Variants in ZNF483 observed in about 807,000 individuals in gnomAD.
The protein encoded by ZNF483 is zinc finger protein HIT-10.
In ZNF483, 9 loss-of-function variants were observed where a neutral mutation model predicts 28.6. The observed-to-expected ratio is 0.32, with a 90% CI of 0.19 to 0.55. ZNF483 has a LOEUF of 0.55. Among genes scored for constraint, ZNF483 ranks in the 20% least tolerant of loss-of-function variants. ZNF483 has a pLI of 0.93. For synonymous variants in ZNF483, 322 were observed against 306.2 expected (o/e 1.05, Z -0.54); for missense variants, 675 against 871.7 (o/e 0.77, Z 2.84).
chr9:111,547,161 GTTCTT>G lies in ZNF483; in HGVS notation c.*3994_*3998del, dbSNP rs1179907061. On this transcript the variant is annotated 3_prime_UTR_variant, in exon 6 of 6. Coordinates refer to ENST00000309235, the MANE Select transcript of ZNF483 (RefSeq NM_133464.5). ...ATTGCTATAATCAGTGGTGCTTTCTGTTCTTTTAAGTATATGCCTAGAAATAGAAT... is the reference window on the plus strand; with the variant it reads ...ATTGCTATAATCAGTGGTGCTTTCTGTTAAGTATATGCCTAGAAATAGAAT... Among the ~76,000 whole-genome samples the G allele has an allele frequency of 6.6e-5, 10 of 152,068 alleles. No individual in the cohort carries two copies. Among genetic ancestry groups the G allele is most frequent in the Admixed American group, 5.2e-4 (8 of 15,274 alleles).
chr9:111,566,600 C>T (rs1477932182), intron 5 of ZNF483, among the ~76,000 whole-genome samples: 3 of 152,194 alleles, frequency 2.0e-5, no homozygotes, highest in Non-Finnish European at 4.4e-5. Context: ...TATCACAGCA[C>T]AGGACTAAGG....
At position 111,553,717 on chromosome 9, in the gene ZNF483, C is replaced by T. The variant is rs541396329; in HGVS notation, c.*10547C>T. ...TTGTAGTTCTATCAAAATAAAGATA[C>T]GTTTAGTGGAAAAGTATTTGACTCT... On this transcript the variant is annotated 3_prime_UTR_variant, in exon 6 of 6. Transcript: ENST00000309235. Among the ~76,000 whole-genome samples, 24 of 152,292 alleles carry T rather than the reference C, an allele frequency of 1.6e-4. No homozygotes were observed. In the East Asian group the frequency reaches 3.5e-3, roughly 22 times the overall value.
Position 111,527,341 on chromosome 9 carries a change from T to A in ZNF483, c.-55T>A. 6.4e-7 allele frequency: 1 copy of A among 1,563,906 alleles called. No homozygotes were observed. The highest frequency in any genetic ancestry group is 8.7e-7 in the Non-Finnish European group (1 of 1,152,660). ...CTGTGTATAGTGCCTGTTGGTGGAC[T>A]GTACTGATACTCAACTAGAGTGTGA... On this transcript the variant is annotated 5_prime_UTR_variant, in exon 2 of 6. Transcript: ENST00000309235.
At chr9:111,527,981 T>A in intron 2 of ZNF483, 174 bp downstream of exon 2, 1 of 1,489,578 alleles carries the variant, frequency 6.7e-7, no homozygotes, top group Non-Finnish European at 8.9e-7. Context: ...GTGTAAACTC[T>A]CAGAATGTAA....
chr9:111,569,627 T>C (rs533873659), intron 5 of ZNF483, among the ~76,000 whole-genome samples: 75 of 152,210 alleles, frequency 4.9e-4, no homozygotes, highest in Non-Finnish European at 9.1e-4. Flanking sequence ...TAGCTGGGCG[T>C]GGTGGTACAC....
At position 111,547,894 on chromosome 9, in the gene ZNF483, A is replaced by G. The variant is rs1827841971; in HGVS notation, c.*4724A>G. Among the ~76,000 whole-genome samples, 1 of 152,212 alleles carries G rather than the reference A, an allele frequency of 6.6e-6. No individual in the cohort carries two copies. Among genetic ancestry groups the G allele is most frequent in the Admixed American group, 6.5e-5 (1 of 15,270 alleles). On this transcript the variant is annotated 3_prime_UTR_variant, in exon 6 of 6. Coordinates refer to ENST00000309235, the MANE Select transcript of ZNF483 (RefSeq NM_133464.5). ...CTGTTGAAGAGACTATCCTTTCCAC[A>G]TCATGTATTCTTTGCACTCTTGTCA...
rs1827800770 is a variant in ZNF483 at position 111,546,099 on chromosome 9, A to G, written c.*2929A>G. On this transcript the variant is annotated 3_prime_UTR_variant, in exon 6 of 6. Coordinates refer to ENST00000309235, the MANE Select transcript of ZNF483 (RefSeq NM_133464.5). Reference sequence around the variant, plus strand: ...GTTTTTTAAAAATTATGCCCATCCTAGCGTTTGAAATGATATTCCTTTGTG... The same window carrying G: ...GTTTTTTAAAAATTATGCCCATCCTGGCGTTTGAAATGATATTCCTTTGTG... Among the ~76,000 whole-genome samples the G allele has an allele frequency of 6.6e-6, 1 of 152,106 alleles. No homozygotes were observed. Among genetic ancestry groups the G allele is most frequent in the Non-Finnish European group, 1.5e-5 (1 of 67,998 alleles).
rs1828025032 is a variant in ZNF483 at position 111,553,278 on chromosome 9, A to G, written c.*10108A>G. Among the ~76,000 whole-genome samples, 1 of 152,220 alleles carries G rather than the reference A, an allele frequency of 6.6e-6. No homozygotes were observed. Among genetic ancestry groups the G allele is most frequent in the Non-Finnish European group, 1.5e-5 (1 of 68,032 alleles). ...ATTAAATGTGCACTATACTGTCTCTAGTCTTCTTGACTATGCCAGTTGTAG... is the reference window on the plus strand; with the variant it reads ...ATTAAATGTGCACTATACTGTCTCTGGTCTTCTTGACTATGCCAGTTGTAG... On this transcript the variant is annotated 3_prime_UTR_variant, in exon 6 of 6. Transcript: ENST00000309235.
In ZNF483 at chr9:111,541,751, G is replaced by A. The variant is rs997922688; in HGVS notation, c.816G>A (p.Glu272=). 3 of 1,614,172 alleles carry A rather than the reference G, an allele frequency of 1.9e-6. No homozygotes were observed. The highest frequency in any genetic ancestry group is 2.7e-5 in the African/African-American group (2 of 75,042). Residue 272 remains glutamate (E), a synonymous_variant, in exon 6 of 6, where the codon GAG becomes GAA. Coordinates refer to ENST00000309235, the MANE Select transcript of ZNF483 (RefSeq NM_133464.5). ...CCCAGCAATATTGTGGCAGCTCAGA[G>A]GAGGATCACGGTAATCAGGGAAATT... is the stretch of plus-strand genomic sequence containing the variant. ...EESQQYCGSS[E]EDHGNQGNSK... is the part of the protein sequence containing the mutation.
Position 111,542,017 on chromosome 9 carries a change from C to G in ZNF483, c.1082C>G (p.Ser361Cys). 1.2e-6 allele frequency: 2 copies of G among 1,614,010 alleles called. No homozygotes were observed. The highest frequency in any genetic ancestry group is 1.7e-6 in the Non-Finnish European group (2 of 1,179,950). Residue 361 changes from serine to cysteine, a missense_variant, in exon 6 of 6, where the codon TCT becomes TGT. Ser to Cys is a moderately radical substitution (Grantham distance 112, BLOSUM62 -1). Transcript: ENST00000309235. The surrounding 1 kb of genome is among the most constrained non-coding windows in gnomAD (Gnocchi z 6.2). Reference sequence around the variant, plus strand: ...ACCGCCGGAGAAAAGTCACGGAAATCTAATGATGGTGGGAAAGTCCTGAGT... The same window carrying G: ...ACCGCCGGAGAAAAGTCACGGAAATGTAATGATGGTGGGAAAGTCCTGAGT... ...EKTAGEKSRK[S>C]NDGGKVLSHS...
At chr9:111,561,127 A>AGAGAG in intron 5 of ZNF483, among the ~76,000 whole-genome samples, 1 of 61,626 alleles carries the variant, frequency 1.6e-5, no homozygotes, top group Non-Finnish European at 3.0e-5. Context: ...AGAGAGAGAG[A>AGAGAG]GAGAGAGAGA....
rs1828084829 is a variant in ZNF483, at chr9:111,555,139, GTT to G, written c.*11973_*11974del. ...TATTCAGACTTCCACTTAGTATCCTGTTTTTAGTCTTCTATCTTATTTCCATC... is the reference window on the plus strand; with the variant it reads ...TATTCAGACTTCCACTTAGTATCCTGTTTAGTCTTCTATCTTATTTCCATC... On this transcript the variant is annotated 3_prime_UTR_variant, in exon 6 of 6. Transcript: ENST00000309235. Among the ~76,000 whole-genome samples the G allele has an allele frequency of 6.6e-6, 1 of 152,096 alleles. No individual in the cohort carries two copies. Among genetic ancestry groups the G allele is most frequent in the South Asian group, 2.1e-4 (1 of 4,828 alleles).
chr9:111,574,901 T>A, intron 5 of ZNF483: 1 of 1,325,462 alleles, frequency 7.5e-7, no homozygotes, highest in Non-Finnish European at 1.1e-6. Context: ...TTCAGGAGAA[T>A]CATTAAGTCA....
At chr9:111,577,607 G>A (rs1829115940) in exon 6 of ZNF483, 1 of 152,358 alleles carries the variant, frequency 6.6e-6, no homozygotes, top group African/African-American at 2.4e-5. Context: ...CACTTTGGGA[G>A]GCCGAGTTGG....
intron 4 of ZNF483, among the ~76,000 whole-genome samples, 166 bp downstream of exon 4, chr9:111,534,031 G>A (rs1485807006): frequency 1.3e-5 from 2 of 152,162 alleles, no homozygotes; most frequent in Non-Finnish European, 2.9e-5. Context: ...TTTCTGCAGC[G>A]TATCTTCTAG....
rs1564588293 is a variant in ZNF483, at chr9:111,525,225, T to G, written c.-166T>G. On this transcript the variant is annotated 5_prime_UTR_variant, in exon 1 of 6. Transcript: ENST00000309235. ...GCGGGACAAGCTTCTGGAAGCTCTT[T>G]GCGGTGGCGTTGGTGCTGTTTGCGG... 6.6e-6 allele frequency: 1 copy of G among 152,154 alleles called. No homozygotes were observed. Among genetic ancestry groups the G allele is most frequent in the African/African-American group, 2.4e-5 (1 of 41,362 alleles). The allele number at this position is 152,154 out of a possible 1,614,324, so 9.4% of individuals were successfully genotyped here.
chr9:111,558,945 A>G (rs1235116379), downstream of ZNF483, among the ~76,000 whole-genome samples: 1 of 151,906 alleles, frequency 6.6e-6, no homozygotes, highest in East Asian at 1.9e-4. Flanking sequence ...TTCTATCACC[A>G]CCACTACCCC....
chr9:111,529,843 T>G (rs988843448), intron 2 of ZNF483, among the ~76,000 whole-genome samples: 1 of 152,220 alleles, frequency 6.6e-6, no homozygotes, highest in African/African-American at 2.4e-5. Flanking sequence ...GGCTCAGAGC[T>G]CTTAGAACCC....
At chr9:111,576,332 A>G (rs1589305922) in intron 5 of ZNF483, 2 of 1,612,858 alleles carry the variant, frequency 1.2e-6, no homozygotes, top group East Asian at 4.5e-5. Flanking sequence ...ACCTCAAACC[A>G]GTACTCACTA....
Sources: allele counts gnomAD v4.1 joint callset (sites outside exome capture counted in the v4.1 genomes callset), GRCh38; gene constraint gnomAD v4.1.1; non-coding constraint Gnocchi (gnomAD v3.1); transcripts MANE v1.5; gene names NCBI Gene and HGNC (gene_info 2026-07-23, HGNC 2026-07-21).